WWOX: variants seen among roughly 807,000 people sequenced by gnomAD.
WWOX encodes the protein WW domain containing oxidoreductase, also known as WW domain-containing oxidoreductase.
WWOX carries 69 observed loss-of-function variants against 46.2 expected under a neutral mutation model. The ratio of observed to expected loss-of-function variants is 1.49; its 90% CI spans 1.23 to 1.82. The LOEUF (loss-of-function observed/expected upper bound fraction) is 1.82. Among genes scored for constraint, WWOX ranks in the 40% most tolerant of loss-of-function variants. The pLI is 0.00. For missense variants in WWOX, 919 were observed against 542.6 expected, an observed-to-expected ratio of 1.69 and a Z score of -6.89; for synonymous variants, 359 against 202.6, an observed-to-expected ratio of 1.77 and a Z score of -6.56.
chr16:78,538,248 C>T (rs1574279), intron 8 of WWOX, among the ~76,000 whole-genome samples: 74,553 of 126,074 alleles, frequency 0.59, 22,916 homozygotes, highest in Middle Eastern at 0.75. Context: ...AAAAAAAAAG[C>T]GGGGCAAGGG....
chr16:78,227,357 C>T (rs1454701874), intron 5 of WWOX, among the ~76,000 whole-genome samples: 2 of 152,158 alleles, frequency 1.3e-5, no homozygotes, highest in African/African-American at 4.8e-5. Flanking sequence ...TTACCTGAGA[C>T]TCTCCGCCCA....
At chr16:79,050,561 G>C (rs531792635) in intron 8 of WWOX, among the ~76,000 whole-genome samples, 1 of 152,164 alleles carries the variant, frequency 6.6e-6, no homozygotes, top group Non-Finnish European at 1.5e-5. Context: ...CAGTCCCAAA[G>C]CCCGGGGCAT....
At chr16:78,842,524 G>A (rs1474336718) in intron 8 of WWOX, among the ~76,000 whole-genome samples, 1 of 151,488 alleles carries the variant, frequency 6.6e-6, no homozygotes, top group Non-Finnish European at 1.5e-5. Flanking sequence ...CAAAAAGTTG[G>A]AAATGAGTGG....
chr16:79,203,358 T>G (rs1220371849), intron 8 of WWOX: 1 of 152,186 alleles, frequency 6.6e-6, no homozygotes, highest in African/African-American at 2.4e-5. Flanking sequence ...ATGCCCGATT[T>G]GAAATAGCGG....
chr16:78,487,802 T>G (rs2084676245), intron 8 of WWOX, among the ~76,000 whole-genome samples: 1 of 152,140 alleles, frequency 6.6e-6, no homozygotes, highest in South Asian at 2.1e-4. Context: ...GCTTACTGCA[T>G]CATTGTTTTT....
chr16:79,144,225 A>G (rs1039107637), intron 8 of WWOX, among the ~76,000 whole-genome samples: 14 of 152,272 alleles, frequency 9.2e-5, no homozygotes, highest in African/African-American at 3.4e-4. Context: ...ACTTCAGCAC[A>G]CCAGGATTTT....
chr16:78,545,426 C>T (rs80100182), intron 8 of WWOX, among the ~76,000 whole-genome samples: 1 of 152,070 alleles, frequency 6.6e-6, no homozygotes, highest in East Asian at 1.9e-4. Flanking sequence ...TTATGTTGCC[C>T]AGGTTGGCCT....
At chr16:78,867,271 A>G (rs1292707671) in intron 8 of WWOX, among the ~76,000 whole-genome samples, 2 of 152,178 alleles carry the variant, frequency 1.3e-5, no homozygotes, top group East Asian at 3.9e-4. Context: ...GGCTTGGTTA[A>G]CAGAAGAAAA....
At position 78,569,612 on chromosome 16, in the gene WWOX, C is replaced by A. The variant is rs2044663376; in HGVS notation, c.1056+136860C>A. On this transcript the variant is annotated intron_variant, in intron 8 of 8. Transcript: ENST00000566780. The stretch of plus-strand genomic sequence containing the variant: ...GCCTTGTTGAAAAAGAATCGCTGTA[C>A]TTCTCAATACTACACTGATTAATCA... Among the ~76,000 whole-genome samples the A allele has an allele frequency of 2.6e-5, 4 of 152,154 alleles. No individual in the cohort carries two copies. In the South Asian group the frequency reaches 8.3e-4, roughly 31 times the overall value.
chr16:78,251,123 C>A (rs762905496), intron 5 of WWOX, among the ~76,000 whole-genome samples: 5 of 152,194 alleles, frequency 3.3e-5, no homozygotes, highest in Non-Finnish European at 5.9e-5. Context: ...GCAACCGAGG[C>A]AGCTGAGGAT....
chr16:79,001,117 A>G (rs762128070), intron 8 of WWOX, among the ~76,000 whole-genome samples: 2 of 152,210 alleles, frequency 1.3e-5, no homozygotes, highest in African/African-American at 2.4e-5. Context: ...AATTAAACAC[A>G]TATCCCACAT....
At chr16:78,663,501 G>A (rs562217380) in intron 8 of WWOX, among the ~76,000 whole-genome samples, 4 of 152,154 alleles carry the variant, frequency 2.6e-5, no homozygotes, top group Non-Finnish European at 4.4e-5. Context: ...GGCTCTTATG[G>A]GTAACACTTC....
At chr16:79,057,701 T>C (rs1001322203) in intron 8 of WWOX, among the ~76,000 whole-genome samples, 1 of 152,052 alleles carries the variant, frequency 6.6e-6, no homozygotes, top group African/African-American at 2.4e-5. Context: ...GGCTAGCACA[T>C]GGTTTGCATT....
At chr16:78,941,799 C>G (rs776414191) in intron 8 of WWOX, among the ~76,000 whole-genome samples, 7 of 152,090 alleles carry the variant, frequency 4.6e-5, no homozygotes, top group Non-Finnish European at 7.4e-5. Flanking sequence ...AAAAGAAGTA[C>G]TTCATGTAAG....
intron 8 of WWOX, among the ~76,000 whole-genome samples, chr16:79,069,638 T>G (rs1239151838): frequency 1.3e-5 from 2 of 151,904 alleles, no homozygotes. Context: ...TAAGTGGGTT[T>G]CTGGACTGAA....
At chr16:78,891,238 T>A (rs955849742) in intron 8 of WWOX, 1 of 152,202 alleles carries the variant, frequency 6.6e-6, no homozygotes, top group Non-Finnish European at 1.5e-5. Context: ...TAACAATATG[T>A]AATTTCAGGT....
At position 78,519,084 on chromosome 16, in the gene WWOX, A is replaced by G. The variant is rs186599151; in HGVS notation, c.1056+86332A>G. On this transcript the variant is annotated intron_variant, in intron 8 of 8. Transcript: ENST00000566780. ...ACATGAGACAGCTATAGATGGATGTATAGTCTTTGAAGTGGGGCCAGTTGG... is the reference window on the plus strand; with the variant it reads ...ACATGAGACAGCTATAGATGGATGTGTAGTCTTTGAAGTGGGGCCAGTTGG... 9.2e-5 allele frequency among the ~76,000 whole-genome samples: 14 copies of G among 152,312 alleles called. No homozygotes were observed. The East Asian group carries it at 2.3e-3, about 25-fold the overall frequency.
chr16:78,626,102 A>G (rs952127637), intron 8 of WWOX, among the ~76,000 whole-genome samples: 5 of 151,724 alleles, frequency 3.3e-5, no homozygotes, highest in Non-Finnish European at 7.4e-5. Context: ...TTTGTGTTCC[A>G]GGAGCCCATC....
chr16:78,808,834 C>G (rs573256993), intron 8 of WWOX, among the ~76,000 whole-genome samples: 2 of 152,292 alleles, frequency 1.3e-5, no homozygotes, highest in East Asian at 3.9e-4. Flanking sequence ...GTCCACCCAT[C>G]AACCTCTACG....
Sources: gnomAD v4.1 joint callset for allele counts (sites outside exome capture counted in the v4.1 genomes callset) on GRCh38, gnomAD v4.1.1 for gene constraint, MANE v1.5 for transcripts, NCBI Gene and HGNC (gene_info 2026-07-23, HGNC 2026-07-21) for gene names.